Variants in CHD9NB observed in about 807,000 individuals in gnomAD.
The protein encoded by CHD9NB is CHD9 neighbor.
chr16:53,044,584 C>G, the CHD9NB span, among the ~76,000 whole-genome samples: 1 of 152,198 alleles, frequency 6.6e-6, no homozygotes, highest in Non-Finnish European at 1.5e-5. Flanking sequence ...GGACTCACCC[C>G]CTACTTAGAG....
chr16:53,038,444 T>C, the CHD9NB span, among the ~76,000 whole-genome samples: 3 of 152,144 alleles, frequency 2.0e-5, no homozygotes, highest in Admixed American at 6.5e-5. Flanking sequence ...GCCTCCCAGT[T>C]TCAAGCAATT....
At chr16:53,047,624 C>A in the CHD9NB span, among the ~76,000 whole-genome samples, 2 of 152,178 alleles carry the variant, frequency 1.3e-5, no homozygotes, top group African/African-American at 4.8e-5. Flanking sequence ...ATCCTTACGA[C>A]GTCATTTAAC....
the CHD9NB span, among the ~76,000 whole-genome samples, chr16:53,045,771 C>T: frequency 7.9e-5 from 12 of 152,276 alleles, 1 homozygote; most frequent in African/African-American, 2.9e-4. Flanking sequence ...TATTATTAAT[C>T]CCACTTTAGA....
the CHD9NB span, among the ~76,000 whole-genome samples, chr16:53,047,782 G>C: frequency 6.6e-6 from 1 of 152,110 alleles, no homozygotes; most frequent in Non-Finnish European, 1.5e-5. Flanking sequence ...TGGATCACTT[G>C]AGGTCAGGAG....
chr16:53,039,696 G>C, the CHD9NB span, among the ~76,000 whole-genome samples: 1 of 151,252 alleles, frequency 6.6e-6, no homozygotes, highest in Non-Finnish European at 1.5e-5. Context: ...AGTGAGCCAA[G>C]ATTGTGCTAC....
the CHD9NB span, among the ~76,000 whole-genome samples, chr16:53,044,660 G>A: frequency 6.6e-6 from 1 of 152,190 alleles, no homozygotes; most frequent in Non-Finnish European, 1.5e-5. Context: ...TAGGACCGTG[G>A]ACTCCCAGGG....
the CHD9NB span, among the ~76,000 whole-genome samples, chr16:53,042,381 T>C: frequency 7.0e-4 from 103 of 146,872 alleles, 4 homozygotes; most frequent in Non-Finnish European, 4.5e-5. Flanking sequence ...CTTCCCTTTC[T>C]CTCCCTCTCC....
At chr16:53,044,453 C>T in the CHD9NB span, among the ~76,000 whole-genome samples, 1 of 152,228 alleles carries the variant, frequency 6.6e-6, no homozygotes, top group Non-Finnish European at 1.5e-5. Context: ...TACAAATCAT[C>T]CCACCACCAC....
chr16:53,046,277 G>A, the CHD9NB span, among the ~76,000 whole-genome samples: 1 of 152,060 alleles, frequency 6.6e-6, no homozygotes, highest in African/African-American at 2.4e-5. Context: ...AGCAGCAGGA[G>A]CACCCAGGGG....
At chr16:53,049,073 G>C in the CHD9NB span, among the ~76,000 whole-genome samples, 1 of 152,164 alleles carries the variant, frequency 6.6e-6, no homozygotes, top group South Asian at 2.1e-4. Flanking sequence ...TACCCAGGCT[G>C]CTCTCGAACT....
the CHD9NB span, among the ~76,000 whole-genome samples, chr16:53,051,767 A>AT: frequency 9.7e-3 from 668 of 68,772 alleles, 45 homozygotes; most frequent in African/African-American, 0.032. Flanking sequence ...TTAAAAGTAT[A>AT]AATATATATA....
the CHD9NB span, among the ~76,000 whole-genome samples, chr16:53,044,710 G>T: frequency 9.9e-5 from 13 of 131,974 alleles, no homozygotes; most frequent in Admixed American, 9.0e-4. Context: ...CTAGCTAATA[G>T]ATGCTGGGTA....
the CHD9NB span, chr16:53,044,173 G>C: frequency 3.3e-5 from 13 of 398,630 alleles, no homozygotes; most frequent in African/African-American, 2.5e-4. Context: ...GAGGGACACA[G>C]AGGATCCAGT....
At chr16:53,044,257 T>A in the CHD9NB span, 1 of 397,644 alleles carries the variant, frequency 2.5e-6, no homozygotes, top group Non-Finnish European at 4.4e-6. Context: ...ACCATCCTCT[T>A]GCAGCACTGT....
chr16:53,045,532 G>A, the CHD9NB span, among the ~76,000 whole-genome samples: 1 of 152,108 alleles, frequency 6.6e-6, no homozygotes, highest in Non-Finnish European at 1.5e-5. Flanking sequence ...CTCTAGTAGG[G>A]GACTGATAAT....
the CHD9NB span, chr16:53,042,808 C>A: frequency 6.6e-6 from 1 of 152,258 alleles, no homozygotes; most frequent in Non-Finnish European, 1.5e-5. Flanking sequence ...ACTCTACATG[C>A]GTTTCCCAAG....
At chr16:53,046,583 G>T in the CHD9NB span, among the ~76,000 whole-genome samples, 1 of 152,042 alleles carries the variant, frequency 6.6e-6, no homozygotes, top group Non-Finnish European at 1.5e-5. Context: ...TACTTGGGAG[G>T]CTGAGGAGGG....
At chr16:53,043,223 G>A in the CHD9NB span, 1 of 152,234 alleles carries the variant, frequency 6.6e-6, no homozygotes, top group South Asian at 2.1e-4. Context: ...ATTTTTGAAA[G>A]CTGGATGCAG....
the CHD9NB span, among the ~76,000 whole-genome samples, chr16:53,041,711 C>T: frequency 1.3e-5 from 2 of 152,082 alleles, no homozygotes; most frequent in East Asian, 3.9e-4. Flanking sequence ...GCAGCTCTCA[C>T]CATGCACAGT....
Sources: gnomAD v4.1 joint callset for allele counts (sites outside exome capture counted in the v4.1 genomes callset) on GRCh38, gnomAD v4.1.1 for gene constraint, MANE v1.5 for transcripts, NCBI Gene and HGNC (gene_info 2026-07-23, HGNC 2026-07-21) for gene names.